Variants in CACNA2D1 observed in about 807,000 individuals in gnomAD.
CACNA2D1 encodes the protein voltage-dependent calcium channel subunit alpha-2/delta-1.
A neutral mutation model predicts 171.5 loss-of-function variants in CACNA2D1; 53 were observed. That is an observed-to-expected ratio of 0.31 (90% CI 0.25 to 0.39). The LOEUF (loss-of-function observed/expected upper bound fraction) is 0.39. Ranked by LOEUF, CACNA2D1 falls within the 10% of genes least tolerant of loss-of-function variation. The pLI is 1.00. For missense variants in CACNA2D1, 903 were observed against 1,299.8 expected (o/e 0.69, Z 4.69); for synonymous variants, 442 against 443.1 (o/e 1.00, Z 0.03).
At chr7:81,967,721 A>G (rs1202178956) in intron 29 of CACNA2D1, 58 bp from the exon 30 acceptor site, 5 of 784,764 alleles carry the variant, frequency 6.4e-6, no homozygotes, top group South Asian at 1.5e-5. Flanking sequence ...CAACCTTTGC[A>G]ATATGACAGT....
At chr7:81,967,938 A>C (rs1338860521) in intron 29 of CACNA2D1, among the ~76,000 whole-genome samples, 3 of 151,536 alleles carry the variant, frequency 2.0e-5, no homozygotes, top group African/African-American at 7.3e-5. Flanking sequence ...CATAAACTTG[A>C]GGTCATTCAA....
At chr7:82,303,647 A>G (rs2129427794) in intron 3 of CACNA2D1, among the ~76,000 whole-genome samples, 1 of 152,280 alleles carries the variant, frequency 6.6e-6, no homozygotes, top group South Asian at 2.1e-4. Flanking sequence ...GTTTACAGCC[A>G]ACTGATTTTT....
chr7:82,072,007 G>A (rs191405825), intron 7 of CACNA2D1, among the ~76,000 whole-genome samples: 4 of 152,218 alleles, frequency 2.6e-5, no homozygotes, highest in Non-Finnish European at 5.9e-5. Context: ...ATGGACCAGG[G>A]TTACCCTAAG....
At chr7:82,311,199 T>G (rs934419828) in intron 3 of CACNA2D1, among the ~76,000 whole-genome samples, 1 of 152,064 alleles carries the variant, frequency 6.6e-6, no homozygotes, top group African/African-American at 2.4e-5. Flanking sequence ...CATAATAAAT[T>G]GCTTATTCTG....
At chr7:82,268,439 ACTGTT>A in intron 3 of CACNA2D1, among the ~76,000 whole-genome samples, 1 of 152,218 alleles carries the variant, frequency 6.6e-6, no homozygotes, top group African/African-American at 2.4e-5. Context: ...CCTGAAACAT[ACTGTT>A]TAACGTTTAT....
intron 7 of CACNA2D1, among the ~76,000 whole-genome samples, chr7:82,081,777 C>G (rs1056455398): frequency 6.6e-6 from 1 of 152,216 alleles, no homozygotes; most frequent in Non-Finnish European, 1.5e-5. Context: ...ATCTACTGTG[C>G]CTGCTGGTCA....
At chr7:82,166,415 G>T (rs1795459277) in intron 4 of CACNA2D1, among the ~76,000 whole-genome samples, 1 of 151,946 alleles carries the variant, frequency 6.6e-6, no homozygotes, top group African/African-American at 2.4e-5. Context: ...GTGCTAATAA[G>T]CCATACATAA....
chr7:82,054,738 C>T (rs1178424306), intron 10 of CACNA2D1, among the ~76,000 whole-genome samples: 2 of 152,074 alleles, frequency 1.3e-5, no homozygotes, highest in African/African-American at 4.8e-5. Context: ...GCAACAAAGA[C>T]CCTATTTGTA....
At chr7:82,170,664 T>C (rs1795923302) in intron 3 of CACNA2D1, 55 bp from the exon 4 acceptor site, 3 of 1,480,368 alleles carry the variant, frequency 2.0e-6, no homozygotes, top group African/African-American at 1.4e-5. Context: ...TATGGAATTG[T>C]TATATAAAAT....
chr7:81,952,096 A>G (rs535208054), intron 38 of CACNA2D1, among the ~76,000 whole-genome samples: 1 of 149,446 alleles, frequency 6.7e-6, no homozygotes, highest in East Asian at 2.0e-4. Flanking sequence ...ATGTTGAGCA[A>G]TTTTTCATAT....
At chr7:82,050,293 C>T (rs1418524182) in intron 10 of CACNA2D1, 5 of 348,912 alleles carry the variant, frequency 1.4e-5, no homozygotes, top group Non-Finnish European at 2.6e-5. Context: ...AAGTAAGCCT[C>T]CTACAGTGTC....
intron 2 of CACNA2D1, among the ~76,000 whole-genome samples, chr7:82,349,100 T>C (rs1433531091): frequency 6.6e-6 from 1 of 152,294 alleles, no homozygotes; most frequent in Non-Finnish European, 1.5e-5. Context: ...TCTCAGTGAC[T>C]ATCTCTAATC....
chr7:82,017,272 C>T (rs1398010334), intron 12 of CACNA2D1, among the ~76,000 whole-genome samples: 3 of 152,078 alleles, frequency 2.0e-5, no homozygotes, highest in Non-Finnish European at 2.9e-5. Context: ...GCCTTACACA[C>T]ATTCTTTGAC....
intron 30 of CACNA2D1, among the ~76,000 whole-genome samples, 172 bp downstream of exon 30, chr7:81,967,424 A>T (rs1794825390): frequency 6.6e-6 from 1 of 151,564 alleles, no homozygotes; most frequent in Non-Finnish European, 1.5e-5. Flanking sequence ...TACTTCTATT[A>T]CATATTGACT....
intron 9 of CACNA2D1, among the ~76,000 whole-genome samples, chr7:82,062,106 G>T (rs928912172): frequency 1.3e-5 from 2 of 152,014 alleles, no homozygotes; most frequent in African/African-American, 2.4e-5. Context: ...GTTTTATAAG[G>T]GCAGTTTCGT....
chr7:81,994,959 C>T lies in CACNA2D1; in HGVS notation c.1663-20G>A. 2 of 1,265,220 alleles carry T rather than the reference C, an allele frequency of 1.6e-6. No homozygotes were observed. Among genetic ancestry groups the T allele is most frequent in the South Asian group, 1.2e-5 (1 of 83,926 alleles). 78.4% of individuals were successfully genotyped at this position (1,265,220 alleles called of 1,614,324 possible). On this transcript the variant is annotated intron_variant, in intron 19 of 38. Coordinates refer to ENST00000356860, the MANE Select transcript of CACNA2D1 (RefSeq NM_000722.4). ...TCGAATCTAAGAGTAAATGAAACAA[C>T]TACTTTATTCCAGAAACAAAGCTGA...
chr7:82,292,998 G>A (rs1031517869), intron 3 of CACNA2D1, among the ~76,000 whole-genome samples: 10 of 150,292 alleles, frequency 6.7e-5, no homozygotes, highest in East Asian at 5.9e-4. Context: ...CTTTCTTTTC[G>A]GAAACCTTAT....
intron 1 of CACNA2D1, among the ~76,000 whole-genome samples, chr7:82,393,236 T>C (rs1470083879): frequency 6.6e-6 from 1 of 152,078 alleles, no homozygotes; most frequent in Non-Finnish European, 1.5e-5. Context: ...TGTAGCTATA[T>C]ACAAACATGT....
rs138803695 is a variant in CACNA2D1, at chr7:82,251,240, A to G, written c.295-80631T>C. ...TCCACATTTTTAAAAAGCCTGTAAA[A>G]TGATCAATTCACTACCACCTAAAAT... is the stretch of plus-strand genomic sequence containing the variant. On this transcript the variant is annotated intron_variant, in intron 3 of 38. Transcript: ENST00000356860. 3.1e-3 allele frequency among the ~76,000 whole-genome samples: 478 copies of G among 152,292 alleles called. 2 individuals carry two copies. Among genetic ancestry groups the G allele is most frequent in the African/African-American group, 0.011 (447 of 41,582 alleles).
Sources: gnomAD v4.1 joint callset for allele counts (sites outside exome capture counted in the v4.1 genomes callset) on GRCh38, gnomAD v4.1.1 for gene constraint, MANE v1.5 for transcripts, NCBI Gene and HGNC (gene_info 2026-07-23, HGNC 2026-07-21) for gene names.